EFCAB3: variants seen among roughly 807,000 people sequenced by gnomAD.
The protein encoded by EFCAB3 is EF-hand calcium binding domain 3.
Under a neutral mutation model 42.2 loss-of-function variants are expected in EFCAB3, and 36 were observed. The observed-to-expected ratio is 0.85, with a 90% CI of 0.65 to 1.13. EFCAB3 has a LOEUF of 1.13. EFCAB3 is among the 50% of genes most tolerant of loss of function. The pLI is 0.00. For missense variants in EFCAB3, 418 were observed against 505.1 expected, an observed-to-expected ratio of 0.83 and a Z score of 1.65; for synonymous variants, 170 against 172.8, an observed-to-expected ratio of 0.98 and a Z score of 0.13.
intron 1 of EFCAB3, among the ~76,000 whole-genome samples, chr17:62,373,279 C>CAA (rs66484718): frequency 0.24 from 31,914 of 131,646 alleles, 4,592 homozygotes; most frequent in East Asian, 0.57. Flanking sequence ...GACCCTGCCT[C>CAA]AAAAAAAAAA....
At chr17:62,377,133 G>A (rs1250127297), upstream of EFCAB3, among the ~76,000 whole-genome samples, 1 of 152,010 alleles carries the variant, frequency 6.6e-6, no homozygotes, top group Non-Finnish European at 1.5e-5. Flanking sequence ...CAGATTATGT[G>A]TTTCATATTA....
chr17:62,406,777 G>A, intron 7 of EFCAB3, 104 bp downstream of exon 7: 1 of 1,251,020 alleles, frequency 8.0e-7, no homozygotes. Context: ...CAGGACTGCA[G>A]CCTATTCTGA....
At chr17:62,398,087 C>G (rs989492306) in intron 6 of EFCAB3, 1 of 321,400 alleles carries the variant, frequency 3.1e-6, no homozygotes, top group Non-Finnish European at 6.0e-6. Context: ...GTCAAAGTGC[C>G]CAATGTCTCT....
At chr17:62,381,830 C>G in intron 1 of EFCAB3, 1 of 434,752 alleles carries the variant, frequency 2.3e-6, no homozygotes, top group South Asian at 1.8e-5. Flanking sequence ...TTGAAGATGT[C>G]ATTGCCCAGG....
intron 1 of EFCAB3, among the ~76,000 whole-genome samples, chr17:62,371,053 C>T (rs1473343266): frequency 6.6e-6 from 1 of 150,952 alleles, no homozygotes; most frequent in Non-Finnish European, 1.5e-5. Context: ...GATTGCACCG[C>T]TGCATTCCAG....
chr17:62,399,632 T>TC (rs768957209), intron 6 of EFCAB3, among the ~76,000 whole-genome samples: 3 of 152,214 alleles, frequency 2.0e-5, no homozygotes, highest in Admixed American at 6.5e-5. Flanking sequence ...CACTTGCTTT[T>TC]CCCTCTATCT....
chr17:62,388,084 C>T (rs963406570), intron 3 of EFCAB3, among the ~76,000 whole-genome samples: 1 of 152,102 alleles, frequency 6.6e-6, no homozygotes, highest in African/African-American at 2.4e-5. Context: ...GTGGCGGGCA[C>T]CTGTAATCCC....
At chr17:62,398,702 TAC>T (rs138374505) in intron 6 of EFCAB3, among the ~76,000 whole-genome samples, 167 of 148,754 alleles carry the variant, frequency 1.1e-3, no homozygotes, top group Middle Eastern at 3.5e-3. Flanking sequence ...ATTATATATG[TAC>T]ACACACACAC....
At position 62,373,450 on chromosome 17, in the gene EFCAB3, CA is replaced by C. The variant is rs35615092; in HGVS notation, c.35-351del. 6.9e-3 allele frequency among the ~76,000 whole-genome samples: 973 copies of C among 140,422 alleles called. 9 individuals are homozygous for C. The highest frequency in any genetic ancestry group is 0.025 in the Middle Eastern group (7 of 278). 92.1% of individuals were successfully genotyped at this position (140,422 alleles called of 152,430 possible). A position where few individuals can be genotyped will look rare whatever the true frequency, so the allele number is the denominator to read the frequency against. ...CAACATAGGGAGACCCCCATCTCTA[CA>C]AAAAAAAAAAAATTGTTTAATGAGC... On this transcript the variant is annotated intron_variant, in intron 1 of 11. Transcript: ENST00000450662.
In EFCAB3 at chr17:62,402,296, G is replaced by C. The variant is rs570126711; in HGVS notation, c.489-4184G>C. Among the ~76,000 whole-genome samples the C allele has an allele frequency of 2.0e-5, 3 of 152,224 alleles. No individual in the cohort carries two copies. In the South Asian group the frequency reaches 6.2e-4, roughly 32 times the overall value. On this transcript the variant is annotated intron_variant, in intron 6 of 9. Coordinates refer to ENST00000305286, the MANE Select transcript of EFCAB3 (RefSeq NM_173503.4). ...TACCCTTTATTTCCTTCTCCTGCCT[G>C]ATTGCCCTGGCCAGAACTTCCAACA...
At chr17:62,387,029 C>T (rs536903044) in intron 2 of EFCAB3, among the ~76,000 whole-genome samples, 5 of 152,122 alleles carry the variant, frequency 3.3e-5, no homozygotes, top group African/African-American at 1.2e-4. Context: ...TGGGCTCAAG[C>T]GATCCTCTTG....
At chr17:62,400,641 G>A (rs967144891) in intron 6 of EFCAB3, among the ~76,000 whole-genome samples, 1 of 152,144 alleles carries the variant, frequency 6.6e-6, no homozygotes, top group Admixed American at 6.5e-5. Flanking sequence ...ATGGACATTT[G>A]CGTTGGTTCC....
intron 1 of EFCAB3, among the ~76,000 whole-genome samples, chr17:62,373,633 C>A (rs76231263): frequency 1.3e-5 from 2 of 151,484 alleles, no homozygotes; most frequent in Non-Finnish European, 2.9e-5. Context: ...AAAAGTTCAT[C>A]TTTTTTTTTC....
rs769013536 is a variant in EFCAB3, at chr17:62,416,209, C to T, written c.1197C>T (p.Ala399=). ...CTAAGGACTTAAGGTTATATGATGC[C>T]TATGTGAATAGAAATTCCTCCCATA... ...LSPKDLRLYD[A]YVNRNSSHNS... The change falls in exon 10 of 10, where the codon GCC becomes GCT. Residue 399 remains alanine (A), a synonymous_variant. Coordinates refer to ENST00000305286, the MANE Select transcript of EFCAB3 (RefSeq NM_173503.4). 3 of 1,613,776 alleles carry T rather than the reference C, an allele frequency of 1.9e-6. No homozygotes were observed. In the Admixed American group the frequency reaches 5.0e-5, roughly 27 times the overall value.
At chr17:62,385,398 C>T (rs2070240389) in intron 2 of EFCAB3, among the ~76,000 whole-genome samples, 1 of 152,164 alleles carries the variant, frequency 6.6e-6, no homozygotes, top group African/African-American at 2.4e-5. Flanking sequence ...GCCACGATCA[C>T]ATCACTGCAC....
At chr17:62,406,348 A>G (rs2070447243) in intron 6 of EFCAB3, 132 bp from the exon 7 acceptor site, 1 of 694,254 alleles carries the variant, frequency 1.4e-6, no homozygotes, top group Non-Finnish European at 2.3e-6. Flanking sequence ...GGGCACTCAA[A>G]TATTATTGAA....
chr17:62,399,188 CTTT>C (rs67731944), intron 6 of EFCAB3, among the ~76,000 whole-genome samples: 18 of 146,980 alleles, frequency 1.2e-4, no homozygotes, highest in Non-Finnish European at 1.8e-4. Context: ...AAGCCAAAGT[CTTT>C]TTTTTTTTTC....
intron 2 of EFCAB3, among the ~76,000 whole-genome samples, chr17:62,387,028 G>A (rs1441877888): frequency 1.3e-5 from 2 of 152,160 alleles, no homozygotes; most frequent in Admixed American, 1.3e-4. Context: ...CTGGGCTCAA[G>A]CGATCCTCTT....
At chr17:62,399,858 A>G (rs975517939) in intron 6 of EFCAB3, among the ~76,000 whole-genome samples, 23 of 152,304 alleles carry the variant, frequency 1.5e-4, no homozygotes, top group Admixed American at 1.2e-3. Flanking sequence ...TTATTTTATT[A>G]TCTGTATTCT....
Sources: gnomAD v4.1 joint callset for allele counts (sites outside exome capture counted in the v4.1 genomes callset) on GRCh38, gnomAD v4.1.1 for gene constraint, MANE v1.5 for transcripts, NCBI Gene and HGNC (gene_info 2026-07-23, HGNC 2026-07-21) for gene names.